Variants in C8orf34 observed in about 807,000 individuals in gnomAD.
C8orf34 encodes chromosome 8 open reading frame 34.
C8orf34 carries 65 observed loss-of-function variants against 68.3 expected under a neutral mutation model. That is an observed-to-expected ratio of 0.95 (90% CI 0.78 to 1.17). The LOEUF is 1.17. C8orf34 is among the 50% of genes most tolerant of loss of function. C8orf34 has a pLI of 0.00. For synonymous variants in C8orf34, 244 were observed against 241.2 expected (o/e 1.01, Z -0.11); for missense variants, 664 against 655.4 (o/e 1.01, Z -0.14).
At chr8:68,816,815 C>T (rs1275032347) in intron 13 of C8orf34, among the ~76,000 whole-genome samples, 1 of 151,970 alleles carries the variant, frequency 6.6e-6, no homozygotes, top group African/African-American at 2.4e-5. Context: ...TACAAGAGAA[C>T]ACGGAAAGCA....
intron 5 of C8orf34, among the ~76,000 whole-genome samples, chr8:68,518,907 A>G (rs1488611291): frequency 6.9e-6 from 1 of 145,134 alleles, no homozygotes; most frequent in Non-Finnish European, 1.5e-5. Context: ...AAAAAAAGGC[A>G]AGTATGCAAA....
chr8:68,342,276 C>T (rs1157686917), intron 1 of C8orf34, among the ~76,000 whole-genome samples: 1 of 152,090 alleles, frequency 6.6e-6, no homozygotes, highest in Non-Finnish European at 1.5e-5. Flanking sequence ...TCTTAGAGAT[C>T]TAGAGTTACA....
At chr8:68,502,437 T>C (rs559085886) in intron 5 of C8orf34, among the ~76,000 whole-genome samples, 1 of 152,308 alleles carries the variant, frequency 6.6e-6, no homozygotes, top group Admixed American at 6.5e-5. Context: ...ATAAGTAATC[T>C]TCCACTGGGA....
chr8:68,572,238 C>A (rs934772322), intron 7 of C8orf34, among the ~76,000 whole-genome samples: 13 of 92,532 alleles, frequency 1.4e-4, no homozygotes, highest in Admixed American at 1.2e-3. Context: ...TGTATAGACA[C>A]ACACACACAC....
intron 3 of C8orf34, among the ~76,000 whole-genome samples, chr8:68,458,795 C>A (rs962284416): frequency 8.5e-5 from 13 of 152,318 alleles, no homozygotes; most frequent in African/African-American, 3.1e-4. Context: ...AGCACACTGG[C>A]ATGTTAGTAA....
chr8:68,643,076 T>C (rs78177407), intron 8 of C8orf34, among the ~76,000 whole-genome samples: 3,901 of 152,146 alleles, frequency 0.026, 163 homozygotes, highest in African/African-American at 0.088. Context: ...GGCCTGGGGG[T>C]TGGGGACCCC....
At chr8:68,669,145 C>T (rs1297412168) in intron 8 of C8orf34, among the ~76,000 whole-genome samples, 1 of 152,078 alleles carries the variant, frequency 6.6e-6, no homozygotes, top group Non-Finnish European at 1.5e-5. Flanking sequence ...TCCATTTCAA[C>T]TCTGAAATTT....
intron 7 of C8orf34, among the ~76,000 whole-genome samples, chr8:68,627,149 T>C (rs924396608): frequency 1.3e-5 from 2 of 152,118 alleles, no homozygotes; most frequent in Non-Finnish European, 1.5e-5. Flanking sequence ...TTAACCAACC[T>C]CTCCTGATGA....
intron 9 of C8orf34, among the ~76,000 whole-genome samples, chr8:68,721,096 C>A (rs1460068175): frequency 6.6e-6 from 1 of 151,922 alleles, no homozygotes; most frequent in African/African-American, 2.4e-5. Context: ...GCCAAAATAT[C>A]TTGCTTTATT....
chr8:68,345,446 G>A (rs1164119063), intron 1 of C8orf34, among the ~76,000 whole-genome samples: 1 of 151,928 alleles, frequency 6.6e-6, no homozygotes, highest in Non-Finnish European at 1.5e-5. Flanking sequence ...TTCATAGTAG[G>A]CAGACTTAAA....
chr8:68,387,060 A>G (rs1012160357), intron 1 of C8orf34, among the ~76,000 whole-genome samples: 10 of 152,016 alleles, frequency 6.6e-5, no homozygotes, highest in Admixed American at 6.6e-4. Flanking sequence ...GATGGGCATG[A>G]TGGAGACCCA....
intron 8 of C8orf34, among the ~76,000 whole-genome samples, chr8:68,680,253 G>T (rs1318235814): frequency 6.6e-6 from 1 of 152,114 alleles, no homozygotes; most frequent in Non-Finnish European, 1.5e-5. Context: ...TGGGGCAAAA[G>T]ATCTGAATAG....
intron 1 of C8orf34, among the ~76,000 whole-genome samples, chr8:68,431,480 G>C (rs1398323564): frequency 6.6e-6 from 1 of 152,260 alleles, no homozygotes; most frequent in East Asian, 1.9e-4. Flanking sequence ...AAGTAAGACT[G>C]TGTGAAGTCC....
chr8:68,632,080 G>A (rs1407930603), intron 7 of C8orf34, among the ~76,000 whole-genome samples: 1 of 152,178 alleles, frequency 6.6e-6, no homozygotes, highest in African/African-American at 2.4e-5. Context: ...AAGAAGATAG[G>A]AAGATGTGGG....
chr8:68,781,370 T>C (rs900072357), intron 11 of C8orf34, among the ~76,000 whole-genome samples: 1 of 152,206 alleles, frequency 6.6e-6, no homozygotes, highest in Non-Finnish European at 1.5e-5. Flanking sequence ...ATATCACTAT[T>C]TCCCACCACT....
intron 7 of C8orf34, among the ~76,000 whole-genome samples, chr8:68,560,107 T>C (rs965709187): frequency 2.6e-5 from 4 of 151,392 alleles, no homozygotes; most frequent in African/African-American, 7.3e-5. Context: ...TGGAAAACTA[T>C]GGAAGAGGAT....
intron 1 of C8orf34, among the ~76,000 whole-genome samples, chr8:68,366,784 C>G (rs1327537444): frequency 6.8e-6 from 1 of 146,946 alleles, no homozygotes; most frequent in Non-Finnish European, 1.5e-5. Context: ...AGACCTAAAA[C>G]CATAAAAACC....
intron 1 of C8orf34, among the ~76,000 whole-genome samples, chr8:68,398,478 C>CAGTA (rs977298879): frequency 1.3e-5 from 2 of 151,960 alleles, no homozygotes; most frequent in Admixed American, 1.3e-4. Context: ...TTTGAAAACT[C>CAGTA]AGTAGTGTTA....
chr8:68,567,039 T>A (rs887415493), intron 7 of C8orf34, among the ~76,000 whole-genome samples: 6 of 152,242 alleles, frequency 3.9e-5, no homozygotes, highest in Non-Finnish European at 5.9e-5. Context: ...AGCTAGTTTT[T>A]GTTAATGATT....
Sources: allele counts gnomAD v4.1 joint callset (sites outside exome capture counted in the v4.1 genomes callset), GRCh38; gene constraint gnomAD v4.1.1; transcripts MANE v1.5; gene names NCBI Gene and HGNC (gene_info 2026-07-23, HGNC 2026-07-21).